MAF: variants seen among roughly 807,000 people sequenced by gnomAD.
The protein encoded by MAF is MAF bZIP transcription factor.
In MAF, 10 loss-of-function variants were observed where a neutral mutation model predicts 22.0. The ratio of observed to expected loss-of-function variants is 0.45; its 90% CI spans 0.28 to 0.77. The LOEUF is 0.77. MAF is among the 30% of genes least tolerant of loss of function. The probability of loss-of-function intolerance (pLI) is 0.12; values close to 1 mark genes in which losing one functional copy is unlikely to be tolerated. For synonymous variants in MAF, 337 were observed against 255.8 expected (o/e 1.32, Z -3.03); for missense variants, 544 against 548.4 (o/e 0.99, Z 0.08).
chr16:79,478,002 T>G, the MAF span, among the ~76,000 whole-genome samples: 1 of 152,172 alleles, frequency 6.6e-6, no homozygotes, highest in Non-Finnish European at 1.5e-5. Context: ...ATTACAGGTG[T>G]GAGCCACTGC....
At chr16:79,523,249 T>C in the MAF span, among the ~76,000 whole-genome samples, 1 of 152,324 alleles carries the variant, frequency 6.6e-6, no homozygotes, top group South Asian at 2.1e-4. Context: ...ACAGGAATTC[T>C]CTACCATAGC....
chr16:79,595,298 G>C (rs906527571), intron 1 of MAF: 1 of 1,048,490 alleles, frequency 9.5e-7, no homozygotes, highest in East Asian at 5.5e-5. Flanking sequence ...CACTGTCTTC[G>C]TGTTTTGTAA....
chr16:79,290,327 T>A, the MAF span, among the ~76,000 whole-genome samples: 4 of 152,176 alleles, frequency 2.6e-5, no homozygotes, highest in African/African-American at 9.7e-5. Flanking sequence ...TAATTTCCCA[T>A]AAATCATACG....
At chr16:79,316,847 G>A in the MAF span, among the ~76,000 whole-genome samples, 7 of 152,162 alleles carry the variant, frequency 4.6e-5, no homozygotes, top group African/African-American at 1.4e-4. Flanking sequence ...ACACTCAGAT[G>A]CTGGACTGAA....
chr16:79,339,077 T>G, the MAF span, among the ~76,000 whole-genome samples: 1 of 152,014 alleles, frequency 6.6e-6, no homozygotes, highest in Non-Finnish European at 1.5e-5. Context: ...TTTTAATTTA[T>G]TTTTTATTTT....
At chr16:79,354,974 T>A in the MAF span, among the ~76,000 whole-genome samples, 1 of 149,616 alleles carries the variant, frequency 6.7e-6, no homozygotes, top group East Asian at 1.9e-4. Flanking sequence ...GGCAGGGGAT[T>A]AAAAAACCTG....
chr16:79,426,003 G>A, the MAF span, among the ~76,000 whole-genome samples: 1 of 152,138 alleles, frequency 6.6e-6, no homozygotes, highest in African/African-American at 2.4e-5. Context: ...TCAGGAGATC[G>A]AGACCATCCT....
the MAF span, among the ~76,000 whole-genome samples, chr16:79,409,249 G>T: frequency 1.3e-5 from 2 of 152,250 alleles, no homozygotes; most frequent in South Asian, 4.1e-4. Flanking sequence ...TAGTGATCTT[G>T]GGGTTCAATA....
the MAF span, among the ~76,000 whole-genome samples, chr16:79,373,934 G>A: frequency 6.6e-6 from 1 of 152,130 alleles, no homozygotes; most frequent in Non-Finnish European, 1.5e-5. Context: ...ATAAATAACT[G>A]AATAAATTAG....
At chr16:79,382,571 T>C in the MAF span, among the ~76,000 whole-genome samples, 1 of 152,228 alleles carries the variant, frequency 6.6e-6, no homozygotes, top group African/African-American at 2.4e-5. Flanking sequence ...CAGTAGAGAA[T>C]GGCACACCTG....
chr16:79,217,473 C>T, the MAF span, among the ~76,000 whole-genome samples: 2 of 152,220 alleles, frequency 1.3e-5, no homozygotes, highest in Admixed American at 6.5e-5. Flanking sequence ...CCTTACAAAT[C>T]ATTTTTGTAC....
At chr16:79,339,594 T>G in the MAF span, among the ~76,000 whole-genome samples, 1 of 152,190 alleles carries the variant, frequency 6.6e-6, no homozygotes, top group Non-Finnish European at 1.5e-5. Flanking sequence ...GTTTTTTATA[T>G]AGCCAGGACT....
the MAF span, among the ~76,000 whole-genome samples, chr16:79,402,375 G>A: frequency 2.0e-5 from 3 of 152,196 alleles, no homozygotes; most frequent in Non-Finnish European, 4.4e-5. Context: ...GCTTGGAAAT[G>A]GGGAGCAGGA....
At position 79,600,176 on chromosome 16, in the gene MAF, T is replaced by G; in HGVS notation, c.-274A>C. 8.1e-6 allele frequency: 3 copies of G among 372,324 alleles called. No homozygotes were observed. The highest frequency in any genetic ancestry group is 4.8e-5 in the East Asian group (1 of 20,674). The allele number at this position is 372,324 out of a possible 1,614,324, so 23.1% of individuals were successfully genotyped here. On this transcript the variant is annotated 5_prime_UTR_variant, in exon 1 of 2. Coordinates refer to ENST00000326043, the MANE Select transcript of MAF (RefSeq NM_005360.5). ...GGCCCCTCCTTGCTCGCTCGCCTCC[T>G]TGCGCGCCGAGCCGGCGGCTTCAGG...
the MAF span, among the ~76,000 whole-genome samples, chr16:79,551,764 C>T: frequency 6.6e-6 from 1 of 152,152 alleles, no homozygotes; most frequent in South Asian, 2.1e-4. Flanking sequence ...TAAATAAATG[C>T]TATGCCCATT....
chr16:79,492,286 C>T, the MAF span, among the ~76,000 whole-genome samples: 7 of 152,164 alleles, frequency 4.6e-5, no homozygotes, highest in East Asian at 5.8e-4. Context: ...GCATTCATTC[C>T]GGGTGCAAAA....
At chr16:79,557,765 T>C in the MAF span, among the ~76,000 whole-genome samples, 1 of 152,076 alleles carries the variant, frequency 6.6e-6, no homozygotes, top group Non-Finnish European at 1.5e-5. Context: ...GTTAAGTGCC[T>C]ACTGTATGCT....
the MAF span, among the ~76,000 whole-genome samples, chr16:79,447,180 T>A: frequency 1.3e-5 from 2 of 152,168 alleles, no homozygotes; most frequent in East Asian, 3.9e-4. Context: ...AAAGCTTACT[T>A]ACTATTGTGA....
chr16:79,326,862 A>G, the MAF span, among the ~76,000 whole-genome samples: 1 of 152,236 alleles, frequency 6.6e-6, no homozygotes, highest in East Asian at 1.9e-4. Flanking sequence ...GACACAGGGT[A>G]GTATCTGGGA....
Sources: gnomAD v4.1 joint callset for allele counts (sites outside exome capture counted in the v4.1 genomes callset) on GRCh38, gnomAD v4.1.1 for gene constraint, MANE v1.5 for transcripts, NCBI Gene and HGNC (gene_info 2026-07-23, HGNC 2026-07-21) for gene names.